The following PRH1 variants were observed in gnomAD, a reference collection of about 807,000 sequenced individuals.
PRH1 encodes proline rich protein HaeIII subfamily 1, also known as salivary acidic proline-rich phosphoprotein 1/2.
In PRH1, 7 loss-of-function variants were observed where a neutral mutation model predicts 7.9. The observed-to-expected ratio is 0.89, with a 90% CI of 0.50 to 1.67. The LOEUF (loss-of-function observed/expected upper bound fraction) is 1.67, where lower values mean the gene tolerates loss of function less well. PRH1 is among the 40% of genes most tolerant of loss of function. The pLI, the probability that PRH1 is intolerant of heterozygous loss-of-function variation, is 0.00. For synonymous variants in PRH1, 45 were observed against 80.8 expected (o/e 0.56, Z 2.38); for missense variants, 109 against 223.6 (o/e 0.49, Z 3.27).
intron 1 of PRH1, among the ~76,000 whole-genome samples, chr12:11,101,226 C>A (rs1381737110): frequency 1.3e-5 from 2 of 152,140 alleles, no homozygotes; most frequent in Non-Finnish European, 2.9e-5. Context: ...TGGTGGCTCA[C>A]ACCTGTAATC....
chr12:10,896,016 T>C (rs1251497912), intron 2 of PRH1: 1 of 152,212 alleles, frequency 6.6e-6, no homozygotes, highest in African/African-American at 2.4e-5. Context: ...TCTGGAGAGA[T>C]CCAAGGTGTG....
chr12:11,111,888 A>T lies in PRH1; in HGVS notation n.123+59534T>A, dbSNP rs1945599293. 2.0e-5 allele frequency among the ~76,000 whole-genome samples: 3 copies of T among 152,208 alleles called. No individual in the cohort carries two copies. In the South Asian group the frequency reaches 6.2e-4, roughly 32 times the overall value. ...AGCTGGTTTTTTGAAAAGTTCAACA[A>T]AATAGAAAGACAGCTAGCCAGACTA... On this transcript the variant is annotated intron_variant and non_coding_transcript_variant, in intron 1 of 4. Coordinates refer to the PRH1 transcript ENST00000541977.
chr12:11,091,993 T>C, intron 1 of PRH1: 1 of 1,396,062 alleles, frequency 7.2e-7, no homozygotes, highest in Non-Finnish European at 9.9e-7. Flanking sequence ...TAGTTCTTAC[T>C]TCTACACTAT....
At chr12:11,024,115 T>G (rs1226209540) in intron 1 of PRH1, among the ~76,000 whole-genome samples, 1 of 152,246 alleles carries the variant, frequency 6.6e-6, no homozygotes, top group Non-Finnish European at 1.5e-5. Flanking sequence ...ATCAGAAAGT[T>G]TCTACTTAAA....
intron 2 of PRH1, among the ~76,000 whole-genome samples, chr12:10,897,398 C>T (rs1949663220): frequency 1.1e-5 from 1 of 92,102 alleles, no homozygotes; most frequent in East Asian, 3.1e-4. Context: ...CTTGAATTGC[C>T]CCCAGTTGTT....
rs118150217 is a variant in PRH1, at chr12:11,072,445, T to A, written n.124-25257A>T. ...CAGGACTCTCACCTTCTTCCTGACCTGCAGAGTAAGGGACACTATTAGAGC... is the reference window on the plus strand; with the variant it reads ...CAGGACTCTCACCTTCTTCCTGACCAGCAGAGTAAGGGACACTATTAGAGC... On this transcript the variant is annotated intron_variant and non_coding_transcript_variant, in intron 1 of 4. Coordinates refer to the PRH1 transcript ENST00000541977. Among the ~76,000 whole-genome samples, 750 of 152,148 alleles carry A rather than the reference T, an allele frequency of 4.9e-3. No homozygotes were observed. In the East Asian group the frequency reaches 0.083, roughly 17 times the overall value.
At chr12:10,941,406 A>G (rs1950397994) in intron 2 of PRH1, among the ~76,000 whole-genome samples, 1 of 152,214 alleles carries the variant, frequency 6.6e-6, no homozygotes, top group Non-Finnish European at 1.5e-5. Context: ...AGTTCCTCAG[A>G]GAAGAGCAGT....
chr12:11,136,473 T>C lies in PRH1; in HGVS notation n.40-15293A>G, dbSNP rs184694925. On this transcript the variant is annotated intron_variant and non_coding_transcript_variant, in intron 1 of 1. Transcript: ENST00000541175. ...ATTTGATGCAATTCCTCTGTATATA[T>C]ACCTTTGGGTAAAATTACAGGGTCA... is the stretch of plus-strand genomic sequence containing the variant. 5.2e-3 allele frequency among the ~76,000 whole-genome samples: 796 copies of C among 152,330 alleles called. 7 individuals are homozygous for C. The highest frequency in any genetic ancestry group is 9.6e-3 in the Non-Finnish European group (651 of 68,028).
upstream of PRH1, among the ~76,000 whole-genome samples, chr12:10,885,103 A>T (rs1358098440): frequency 6.6e-6 from 1 of 152,180 alleles, no homozygotes; most frequent in African/African-American, 2.4e-5. Context: ...TTCATCCTCT[A>T]CTTTATTTCT....
chr12:10,931,796 ATCTCT>A (rs1217409895), intron 2 of PRH1, among the ~76,000 whole-genome samples: 1 of 151,148 alleles, frequency 6.6e-6, no homozygotes, highest in East Asian at 1.9e-4. Context: ...GTTTATTTAG[ATCTCT>A]TCAGTGTTTA....
At chr12:11,073,114 C>T (rs1454922145) in intron 1 of PRH1, among the ~76,000 whole-genome samples, 2 of 61,518 alleles carry the variant, frequency 3.3e-5, no homozygotes, top group African/African-American at 8.9e-5. Flanking sequence ...GTCTACATGT[C>T]GAAAAATCCA....
intron 1 of PRH1, among the ~76,000 whole-genome samples, chr12:11,022,963 A>G (rs1941736827): frequency 6.6e-6 from 1 of 152,222 alleles, no homozygotes; most frequent in Non-Finnish European, 1.5e-5. Flanking sequence ...ATTTGTATAC[A>G]GCATCTTCAG....
rs1284908089 is a variant in PRH1 at position 11,072,606 on chromosome 12, T to C, written n.124-25418A>G. ...AAAGTTACAGGGGATGGTAGTCTTT[T>C]TACATCCCTCTCCACTTAACCTAAA... On this transcript the variant is annotated intron_variant and non_coding_transcript_variant, in intron 1 of 4. Coordinates refer to the PRH1 transcript ENST00000541977. Among the ~76,000 whole-genome samples, 3 of 152,348 alleles carry C rather than the reference T, an allele frequency of 2.0e-5. No individual in the cohort carries two copies. The East Asian group carries it at 5.8e-4, about 29-fold the overall frequency.
At chr12:10,899,284 T>A (rs946759282) in intron 2 of PRH1, among the ~76,000 whole-genome samples, 4 of 152,284 alleles carry the variant, frequency 2.6e-5, no homozygotes, top group African/African-American at 7.2e-5. Context: ...GATTACATTT[T>A]TTTTTATGTG....
chr12:10,898,563 C>T (rs1215228521), intron 2 of PRH1, among the ~76,000 whole-genome samples: 1 of 151,984 alleles, frequency 6.6e-6, no homozygotes, highest in Admixed American at 6.6e-5. Context: ...TTTAAATGCC[C>T]TTAATAAGTT....
At chr12:11,102,315 A>G (rs1945280000) in intron 1 of PRH1, among the ~76,000 whole-genome samples, 1 of 152,208 alleles carries the variant, frequency 6.6e-6, no homozygotes, top group Admixed American at 6.5e-5. Context: ...ATAGTAACCA[A>G]AACAGCATGG....
intron 1 of PRH1, among the ~76,000 whole-genome samples, chr12:11,111,704 A>G (rs1945594752): frequency 4.6e-5 from 7 of 152,236 alleles, no homozygotes; most frequent in African/African-American, 1.7e-4. Context: ...AAAGTGGGAA[A>G]GATCTAAAGT....
intron 1 of PRH1, among the ~76,000 whole-genome samples, chr12:11,025,181 C>A (rs936694892): frequency 6.6e-6 from 1 of 152,184 alleles, no homozygotes; most frequent in South Asian, 2.1e-4. Context: ...CCACGCCAGG[C>A]TAATTTTTTT....
chr12:10,923,117 C>T (rs7976610), intron 2 of PRH1, among the ~76,000 whole-genome samples: 68,085 of 148,318 alleles, frequency 0.46, 16,828 homozygotes, highest in African/African-American at 0.65. Flanking sequence ...CGTGAGCCAC[C>T]GCGCCCGGCC....
Sources: allele counts gnomAD v4.1 joint callset (sites outside exome capture counted in the v4.1 genomes callset), GRCh38; gene constraint gnomAD v4.1.1; transcripts MANE v1.5; gene names NCBI Gene and HGNC (gene_info 2026-07-23, HGNC 2026-07-21).